SEPSECS: variants seen among roughly 807,000 people sequenced by gnomAD.
SEPSECS encodes Sep (O-phosphoserine) tRNA:Sec (selenocysteine) tRNA synthase, also known as O-phosphoseryl-tRNA(Sec) selenium transferase.
In SEPSECS, 42 loss-of-function variants were observed where a neutral mutation model predicts 52.1. The observed-to-expected ratio is 0.81, with a 90% confidence interval of 0.63 to 1.04. SEPSECS has a LOEUF of 1.04. Ranked by LOEUF, SEPSECS falls within the 50% of genes least tolerant of loss-of-function variation. SEPSECS has a pLI of 0.00. For synonymous variants in SEPSECS, 216 were observed against 211.4 expected, an observed-to-expected ratio of 1.02 and a Z score of -0.19; for missense variants, 590 against 610.6, an observed-to-expected ratio of 0.97 and a Z score of 0.36.
rs1206201405 is a variant in SEPSECS, at chr4:25,124,252, AAT to A, written c.1212-29_1212-28del. On this transcript the variant is annotated intron_variant, in intron 10 of 10. Coordinates refer to ENST00000382103, the MANE Select transcript of SEPSECS (RefSeq NM_016955.4). ...TGAAAGAAGAAAGATTTACCAATTTAATATGTCTGGTAATGGTAACACAATGT... is the reference window on the plus strand; with the variant it reads ...TGAAAGAAGAAAGATTTACCAATTTAATGTCTGGTAATGGTAACACAATGT... 4 of 1,604,218 alleles carry A rather than the reference AAT, an allele frequency of 2.5e-6. No individual in the cohort carries two copies. In the Admixed American group the frequency reaches 5.0e-5, roughly 20 times the overall value.
At chr4:25,158,832 G>A in intron 2 of SEPSECS, 121 bp downstream of exon 2, 1 of 957,708 alleles carries the variant, frequency 1.0e-6, no homozygotes, top group Non-Finnish European at 1.6e-6. Flanking sequence ...ATCCATTAGA[G>A]CAGGGAAGAA....
In SEPSECS at chr4:25,121,310, T is replaced by C. The variant is rs1364911050; in HGVS notation, c.*2621A>G. ...TTGTGTAGTGACCAAAAGAATATTC[T>C]ATGTTCCACCATTTTCTTTTCTAAG... On this transcript the variant is annotated 3_prime_UTR_variant, in exon 11 of 11. Coordinates refer to ENST00000382103, the MANE Select transcript of SEPSECS (RefSeq NM_016955.4). The C allele has an allele frequency of 6.6e-6, 1 of 152,140 alleles. No homozygotes were observed. 9.4% of individuals were successfully genotyped at this position (152,140 alleles called of 1,614,324 possible).
intron 8 of SEPSECS, 67 bp from the exon 9 acceptor site, chr4:25,127,424 A>C: frequency 8.6e-7 from 1 of 1,162,510 alleles, no homozygotes; most frequent in South Asian, 1.2e-5. Context: ...TAAGACAAAA[A>C]TCTGATTGGT....
chr4:25,124,702 A>C (rs1728290670), intron 10 of SEPSECS, among the ~76,000 whole-genome samples: 1 of 152,176 alleles, frequency 6.6e-6, no homozygotes, highest in African/African-American at 2.4e-5. Context: ...TAATCAACAA[A>C]CTAAAAGTCT....
intron 6 of SEPSECS, among the ~76,000 whole-genome samples, chr4:25,148,376 A>T (rs1290005532): frequency 3.0e-5 from 4 of 135,510 alleles, no homozygotes; most frequent in South Asian, 4.8e-4. Flanking sequence ...AAAAAAAAAA[A>T]GCCTAGTAGG....
chr4:25,141,737 A>C (rs1711558908), intron 8 of SEPSECS, among the ~76,000 whole-genome samples: 1 of 152,194 alleles, frequency 6.6e-6, no homozygotes, highest in Admixed American at 6.5e-5. Context: ...TTTCACTCAG[A>C]ATATGAGGCA....
At position 25,156,027 on chromosome 4, in the gene SEPSECS, C is replaced by A. The variant is rs1169608703; in HGVS notation, c.547+10G>T. The A allele has an allele frequency of 6.2e-7, 1 of 1,609,996 alleles. No homozygotes were observed. On this transcript the variant is annotated intron_variant, in intron 4 of 10. Transcript: ENST00000382103. ...GATGTTTAAAACATTATGTATGACA[C>A]TTCTCTTACCTGCAGTGATCATGGA...
intron 8 of SEPSECS, among the ~76,000 whole-genome samples, chr4:25,131,986 C>A (rs935003112): frequency 6.6e-6 from 1 of 152,156 alleles, no homozygotes; most frequent in African/African-American, 2.4e-5. Context: ...TACATTTTCA[C>A]CTCTTTTTTA....
At chr4:25,142,260 GA>G (rs1207869355) in intron 8 of SEPSECS, among the ~76,000 whole-genome samples, 2 of 151,976 alleles carry the variant, frequency 1.3e-5, no homozygotes, top group East Asian at 3.9e-4. Context: ...CTGGGTGACA[GA>G]ACGAGACTCC....
Position 25,151,454 on chromosome 4 carries a change from T to C in SEPSECS, c.804+506A>G, listed in dbSNP as rs565244176. 3.9e-5 allele frequency among the ~76,000 whole-genome samples: 6 copies of C among 152,250 alleles called. No individual in the cohort carries two copies. In the South Asian group the frequency reaches 1.2e-3, roughly 32 times the overall value. ...GCCATAGTTCTTATTATAAGTCACATGGGAAACAAAGACATATTTTCAAAA... is the reference window on the plus strand; with the variant it reads ...GCCATAGTTCTTATTATAAGTCACACGGGAAACAAAGACATATTTTCAAAA... On this transcript the variant is annotated intron_variant, in intron 6 of 10. Coordinates refer to ENST00000382103, the MANE Select transcript of SEPSECS (RefSeq NM_016955.4).
At chr4:25,130,375 G>C (rs532739054) in intron 8 of SEPSECS, among the ~76,000 whole-genome samples, 7 of 152,180 alleles carry the variant, frequency 4.6e-5, no homozygotes, top group Non-Finnish European at 8.8e-5. Context: ...ATTAAAAAGT[G>C]AATTTGCCCA....
chr4:25,123,968 T>C lies in SEPSECS; in HGVS notation c.1469A>G (p.Asn490Ser), dbSNP rs768293332. 2.5e-6 allele frequency: 4 copies of C among 1,613,432 alleles called. No homozygotes were observed. In the Admixed American group the frequency reaches 5.0e-5, roughly 20 times the overall value. Residue 490 changes from asparagine (N) to serine (S), a missense_variant, in exon 11 of 11, where the codon AAT (asparagine) becomes AGT (serine). Transcript: ENST00000382103. ...DIEEMALKLD[N>S]VLLDTYQDAS... ...ATCCTGGTATGTGTCAAGAAGTACA[T>C]TATCTAGTTTTAAAGCCATTTCTTC...
chr4:25,139,262 C>A (rs939634529), intron 8 of SEPSECS, among the ~76,000 whole-genome samples: 1 of 151,852 alleles, frequency 6.6e-6, no homozygotes, highest in African/African-American at 2.4e-5. Context: ...AGGGCCTACA[C>A]ATAAATATTT....
At chr4:25,131,808 A>G (rs116650264) in intron 8 of SEPSECS, among the ~76,000 whole-genome samples, 2,157 of 152,328 alleles carry the variant, frequency 0.014, 18 homozygotes, top group Non-Finnish European at 0.024. Context: ...AATTCAGCAG[A>G]TATTTGCAAC....
chr4:25,156,330 G>A (rs1259497147), intron 3 of SEPSECS, 135 bp from the exon 4 acceptor site: 15 of 726,044 alleles, frequency 2.1e-5, no homozygotes, highest in Non-Finnish European at 3.4e-5. Context: ...CTCGCTCTTG[G>A]AAAGCTCAAT....
chr4:25,141,799 A>G (rs547479023), intron 8 of SEPSECS, among the ~76,000 whole-genome samples: 3 of 152,054 alleles, frequency 2.0e-5, no homozygotes, highest in Non-Finnish European at 4.4e-5. Flanking sequence ...CACCCTCATT[A>G]CCACCCTGAC....
chr4:25,148,119 A>G (rs977418288), intron 6 of SEPSECS, among the ~76,000 whole-genome samples: 23 of 152,174 alleles, frequency 1.5e-4, no homozygotes, highest in Middle Eastern at 3.4e-3. Flanking sequence ...TTGGGAGGCC[A>G]AGGCGGGTGG....
intron 8 of SEPSECS, 61 bp from the exon 9 acceptor site, chr4:25,127,418 A>G: frequency 8.2e-7 from 1 of 1,224,040 alleles, no homozygotes; most frequent in Non-Finnish European, 1.2e-6. Context: ...ATTTAATAAG[A>G]CAAAAATCTG....
chr4:25,158,882 AT>A, intron 2 of SEPSECS, 70 bp downstream of exon 2: 1 of 1,412,886 alleles, frequency 7.1e-7, no homozygotes, highest in Non-Finnish European at 1.0e-6. Context: ...AATAAGATAA[AT>A]ACTGCTGCCA....
Sources: gnomAD v4.1 joint callset for allele counts (sites outside exome capture counted in the v4.1 genomes callset) on GRCh38, gnomAD v4.1.1 for gene constraint, MANE v1.5 for transcripts, NCBI Gene and HGNC (gene_info 2026-07-23, HGNC 2026-07-21) for gene names.